SLC9A9: variants seen among roughly 807,000 people sequenced by gnomAD.
SLC9A9 encodes sodium/hydrogen exchanger 9.
SLC9A9 carries 62 observed loss-of-function variants against 77.8 expected under a neutral mutation model. The observed-to-expected ratio is 0.80, with a 90% confidence interval of 0.65 to 0.98. SLC9A9 has a LOEUF of 0.98. SLC9A9 is among the 50% of genes least tolerant of loss of function. The probability of loss-of-function intolerance (pLI) is 0.00; values close to 1 mark genes in which losing one functional copy is unlikely to be tolerated. For synonymous variants in SLC9A9, 320 were observed against 283.5 expected (o/e 1.13, Z -1.29); for missense variants, 775 against 774.9 (o/e 1.00, Z 0.00).
Position 143,501,433 on chromosome 3 carries a change from TATAAA to T in SLC9A9, c.1090-5990_1090-5986del, listed in dbSNP as rs986280419. 6.0e-5 allele frequency among the ~76,000 whole-genome samples: 9 copies of T among 150,808 alleles called. 1 individual carries two copies. Among genetic ancestry groups the T allele is most frequent in the Non-Finnish European group, 8.8e-5 (6 of 68,012 alleles). On this transcript the variant is annotated intron_variant, in intron 9 of 15. Transcript: ENST00000316549. ...GCAGATGCCCATAGAGTGAAAGTTATATAAAATTTCTTAGATAAAATTCCTGACAT... is the reference window on the plus strand; with the variant it reads ...GCAGATGCCCATAGAGTGAAAGTTATATTTCTTAGATAAAATTCCTGACAT...
At chr3:143,840,464 A>G (rs2009679220) in intron 1 of SLC9A9, among the ~76,000 whole-genome samples, 1 of 152,218 alleles carries the variant, frequency 6.6e-6, no homozygotes, top group East Asian at 1.9e-4. Context: ...TATTTATAGT[A>G]CCTGTCCCAC....
intron 1 of SLC9A9, among the ~76,000 whole-genome samples, chr3:143,844,777 CTT>C (rs1024151763): frequency 2.2e-5 from 3 of 138,296 alleles, no homozygotes; most frequent in Non-Finnish European, 4.7e-5. Flanking sequence ...TTCTTTCTTT[CTT>C]TCTTTCTTTC....
chr3:143,555,105 G>A (rs1469986395), intron 8 of SLC9A9, among the ~76,000 whole-genome samples: 1 of 152,158 alleles, frequency 6.6e-6, no homozygotes, highest in Admixed American at 6.5e-5. Context: ...GACCTGGTAG[G>A]AGATAATTGA....
intron 4 of SLC9A9, among the ~76,000 whole-genome samples, chr3:143,744,577 C>G (rs1396015557): frequency 6.6e-6 from 1 of 152,140 alleles, no homozygotes; most frequent in African/African-American, 2.4e-5. Flanking sequence ...ATTTTCTCAT[C>G]AGCGAAAAAG....
intron 6 of SLC9A9, among the ~76,000 whole-genome samples, chr3:143,594,005 T>A (rs1390468019): frequency 7.2e-5 from 11 of 152,196 alleles, no homozygotes; most frequent in Non-Finnish European, 8.8e-5. Flanking sequence ...CCAGTCTGTG[T>A]TGGTGGCAAT....
At chr3:143,512,969 C>G (rs1484447254) in intron 9 of SLC9A9, among the ~76,000 whole-genome samples, 1 of 152,190 alleles carries the variant, frequency 6.6e-6, no homozygotes, top group Non-Finnish European at 1.5e-5. Flanking sequence ...ATCACCTGAG[C>G]CTTCAGTGAA....
intron 2 of SLC9A9, among the ~76,000 whole-genome samples, chr3:143,830,485 T>G (rs1174098237): frequency 6.6e-6 from 1 of 152,194 alleles, no homozygotes; most frequent in African/African-American, 2.4e-5. Flanking sequence ...GGAATAAATA[T>G]GTGAATAATT....
intron 9 of SLC9A9, among the ~76,000 whole-genome samples, chr3:143,521,927 T>C (rs1422331898): frequency 6.6e-6 from 1 of 152,168 alleles, no homozygotes; most frequent in Non-Finnish European, 1.5e-5. Flanking sequence ...TTTGTTTCCT[T>C]GCAGATTTTA....
chr3:143,796,017 GA>G (rs1459163695), intron 3 of SLC9A9, among the ~76,000 whole-genome samples: 1 of 152,166 alleles, frequency 6.6e-6, no homozygotes, highest in Non-Finnish European at 1.5e-5. Context: ...TGCTCAAGAG[GA>G]AGAAAGCCCC....
intron 14 of SLC9A9, among the ~76,000 whole-genome samples, chr3:143,324,805 G>C (rs1173271937): frequency 6.6e-6 from 1 of 152,150 alleles, no homozygotes; most frequent in African/African-American, 2.4e-5. Context: ...CTGGGCGATA[G>C]AGGAAACCCT....
chr3:143,509,286 C>T (rs959010491), intron 9 of SLC9A9, among the ~76,000 whole-genome samples: 4 of 152,146 alleles, frequency 2.6e-5, no homozygotes, highest in Non-Finnish European at 5.9e-5. Flanking sequence ...AAAGGCATGG[C>T]TATAAATAAA....
At chr3:143,658,185 T>C (rs1374180546) in intron 5 of SLC9A9, among the ~76,000 whole-genome samples, 1 of 152,230 alleles carries the variant, frequency 6.6e-6, no homozygotes, top group Non-Finnish European at 1.5e-5. Context: ...TAAATATTGA[T>C]AGATACACCT....
intron 5 of SLC9A9, among the ~76,000 whole-genome samples, chr3:143,674,087 C>T (rs1167976460): frequency 6.6e-6 from 1 of 152,132 alleles, no homozygotes; most frequent in Non-Finnish European, 1.5e-5. Flanking sequence ...TTTTAAAACA[C>T]TTAGCAATTT....
At chr3:143,465,330 C>T (rs188181191) in intron 12 of SLC9A9, among the ~76,000 whole-genome samples, 14 of 152,318 alleles carry the variant, frequency 9.2e-5, no homozygotes, top group African/African-American at 3.4e-4. Flanking sequence ...ATAATACTCC[C>T]CTCTCCCTGC....
chr3:143,412,657 A>G (rs7652557), intron 12 of SLC9A9, among the ~76,000 whole-genome samples: 49,210 of 152,104 alleles, frequency 0.32, 8,128 homozygotes, highest in Non-Finnish European at 0.35. Flanking sequence ...CACTTTTTAC[A>G]GGAAGCATCA....
Position 143,616,514 on chromosome 3 carries a change from A to G in SLC9A9, c.755+35741T>C, listed in dbSNP as rs150839105. 7.2e-5 allele frequency among the ~76,000 whole-genome samples: 11 copies of G among 152,284 alleles called. No homozygotes were observed. The East Asian group carries it at 2.1e-3, about 29-fold the overall frequency. ...GGTTATCACTGGATTATGGCATTAA[A>G]AAGGGTTAACCTATATACAGTCTAT... On this transcript the variant is annotated intron_variant, in intron 6 of 15. Coordinates refer to ENST00000316549, the MANE Select transcript of SLC9A9 (RefSeq NM_173653.4).
At position 143,636,240 on chromosome 3, in the gene SLC9A9, TTA is replaced by T. The variant is rs1412177020; in HGVS notation, c.755+16013_755+16014del. 2.6e-5 allele frequency among the ~76,000 whole-genome samples: 4 copies of T among 152,310 alleles called. No individual in the cohort carries two copies. The East Asian group carries it at 7.7e-4, about 29-fold the overall frequency. On this transcript the variant is annotated intron_variant, in intron 6 of 15. Transcript: ENST00000316549. ...CATTTATTATTTAATGTTATTCTAA[TTA>T]TGTTAGATTTTTAAGATGCTATTAT...
intron 9 of SLC9A9, among the ~76,000 whole-genome samples, chr3:143,551,850 A>C (rs2036892604): frequency 6.6e-6 from 1 of 152,176 alleles, no homozygotes. Context: ...TGTGCAGCAA[A>C]TGTCTGTGGA....
At chr3:143,774,547 G>A (rs1198011080) in intron 4 of SLC9A9, among the ~76,000 whole-genome samples, 1 of 152,132 alleles carries the variant, frequency 6.6e-6, no homozygotes, top group Admixed American at 6.5e-5. Flanking sequence ...CTTAGGGTGC[G>A]TGTGAGGACT....
Sources: allele counts gnomAD v4.1 joint callset (sites outside exome capture counted in the v4.1 genomes callset), GRCh38; gene constraint gnomAD v4.1.1; transcripts MANE v1.5; gene names NCBI Gene and HGNC (gene_info 2026-07-23, HGNC 2026-07-21).